ACYP2: variants seen among roughly 807,000 people sequenced by gnomAD.
ACYP2 encodes acylphosphatase 2.
In ACYP2, 12 loss-of-function variants were observed where a neutral mutation model predicts 11.2. The ratio of observed to expected loss-of-function variants is 1.08; its 90% CI spans 0.69 to 1.74. ACYP2 has a LOEUF of 1.74. Among genes scored for constraint, ACYP2 ranks in the 40% most tolerant of loss-of-function variants. The probability of loss-of-function intolerance (pLI) is 0.00; values close to 1 mark genes in which losing one functional copy is unlikely to be tolerated. For missense variants in ACYP2, 134 were observed against 101.9 expected, an observed-to-expected ratio of 1.31 and a Z score of -1.35; for synonymous variants, 43 against 32.2, an observed-to-expected ratio of 1.33 and a Z score of -1.13.
At chr2:53,979,164 C>T (rs931406130) in intron 2 of ACYP2, among the ~76,000 whole-genome samples, 2 of 151,956 alleles carry the variant, frequency 1.3e-5, no homozygotes, top group Non-Finnish European at 2.9e-5. Context: ...CGTGTTATTG[C>T]CCTTGAAGAC....
chr2:54,225,227 T>A (rs371119820), intron 6 of ACYP2, among the ~76,000 whole-genome samples: 2 of 152,286 alleles, frequency 1.3e-5, no homozygotes, highest in South Asian at 4.1e-4. Context: ...CGGCTGTGTG[T>A]CTCTAGCAGG....
chr2:54,066,974 A>G (rs1182518864), intron 4 of ACYP2, among the ~76,000 whole-genome samples: 1 of 152,218 alleles, frequency 6.6e-6, no homozygotes, highest in Non-Finnish European at 1.5e-5. Flanking sequence ...TGAGATTTGA[A>G]TCTGAATTTT....
At chr2:54,224,490 A>G (rs1685926482) in intron 6 of ACYP2, among the ~76,000 whole-genome samples, 1 of 152,220 alleles carries the variant, frequency 6.6e-6, no homozygotes, top group Admixed American at 6.5e-5. Context: ...TGTGTATGCA[A>G]AAAAGGTTAA....
chr2:54,012,476 A>G (rs1673426936), intron 2 of ACYP2, among the ~76,000 whole-genome samples: 1 of 152,228 alleles, frequency 6.6e-6, no homozygotes, highest in Non-Finnish European at 1.5e-5. Context: ...TGACTGTGCC[A>G]CTGCACTCTA....
chr2:54,140,061 C>T (rs768877999), intron 6 of ACYP2, among the ~76,000 whole-genome samples: 2 of 152,052 alleles, frequency 1.3e-5, no homozygotes, highest in Non-Finnish European at 2.9e-5. Context: ...TAAAACTACA[C>T]CTCAAATTGA....
chr2:54,185,203 G>A (rs776911625), intron 6 of ACYP2, among the ~76,000 whole-genome samples: 3 of 152,274 alleles, frequency 2.0e-5, no homozygotes, highest in Middle Eastern at 3.4e-3. Context: ...ATTGATAAGA[G>A]AATGGGCAGG....
intron 2 of ACYP2, among the ~76,000 whole-genome samples, chr2:53,977,747 A>C (rs570178283): frequency 1.5e-3 from 234 of 151,718 alleles, no homozygotes; most frequent in African/African-American, 5.4e-3. Context: ...AAAAAAAAAA[A>C]AAAAGCCCAA....
At chr2:54,303,388 A>C (rs1689801865) in intron 6 of ACYP2, among the ~76,000 whole-genome samples, 2 of 150,018 alleles carry the variant, frequency 1.3e-5, no homozygotes, top group African/African-American at 4.8e-5. Flanking sequence ...GTTAGTGCTT[A>C]ATAAATTTTA....
intron 4 of ACYP2, among the ~76,000 whole-genome samples, chr2:54,087,024 A>G (rs1209737366): frequency 6.6e-6 from 1 of 152,238 alleles, no homozygotes; most frequent in Non-Finnish European, 1.5e-5. Context: ...ATTATAGATT[A>G]ACGTTTTCTA....
chr2:54,021,893 C>G (rs901020460), intron 2 of ACYP2, among the ~76,000 whole-genome samples: 1 of 152,154 alleles, frequency 6.6e-6, no homozygotes, highest in African/African-American at 2.4e-5. Context: ...TGAGAACAGA[C>G]TGTTCTGTGA....
At chr2:54,175,479 A>C (rs192074967) in intron 6 of ACYP2, among the ~76,000 whole-genome samples, 15 of 151,876 alleles carry the variant, frequency 9.9e-5, no homozygotes, top group Admixed American at 5.2e-4. Context: ...TTCAAAAAAC[A>C]AGCTCCTGGA....
intron 6 of ACYP2, among the ~76,000 whole-genome samples, chr2:54,289,516 T>A (rs1472152107): frequency 6.6e-6 from 1 of 152,056 alleles, no homozygotes; most frequent in African/African-American, 2.4e-5. Flanking sequence ...CTTCCTCACC[T>A]TCTATTTTGT....
rs56817782 is a variant in ACYP2, at chr2:54,038,673, CTATATATATATATATATATA to C, written c.63-12264_63-12245del. 5.0e-4 allele frequency among the ~76,000 whole-genome samples: 53 copies of C among 106,106 alleles called. 1 individual carries two copies. Among genetic ancestry groups the C allele is most frequent in the African/African-American group, 1.7e-3 (46 of 26,836 alleles). 69.6% of individuals were successfully genotyped at this position (106,106 alleles called of 152,430 possible). A position where few individuals can be genotyped will look rare whatever the true frequency, so the allele number is the denominator to read the frequency against. On this transcript the variant is annotated intron_variant, in intron 2 of 6. Coordinates refer to ENST00000607452, the MANE Select transcript of ACYP2 (RefSeq NM_001320586.2). ...TCATTCAATAAATCTTTATTGAATA[CTATATATATATATATATATA>C]TATATATATATATATATATACTCTT...
chr2:54,046,534 C>T lies in ACYP2; in HGVS notation c.63-4424C>T, dbSNP rs536898677. Among the ~76,000 whole-genome samples, 10 of 151,466 alleles carry T rather than the reference C, an allele frequency of 6.6e-5. No homozygotes were observed. The East Asian group carries it at 1.7e-3, about 26-fold the overall frequency. On this transcript the variant is annotated intron_variant, in intron 2 of 6. Coordinates refer to ENST00000607452, the MANE Select transcript of ACYP2 (RefSeq NM_001320586.2). ...TTGAGAAATACATGTTGTTTGTCTC[C>T]AGGCTGAATCTGTATCTCTCATGGA... is the stretch of plus-strand genomic sequence containing the variant.
At chr2:54,092,110 G>C (rs568069953) in intron 4 of ACYP2, among the ~76,000 whole-genome samples, 1 of 152,302 alleles carries the variant, frequency 6.6e-6, no homozygotes, top group South Asian at 2.1e-4. Context: ...GTTTCCAGCA[G>C]AGGTACTGGA....
chr2:54,043,775 T>G (rs1675367844), intron 2 of ACYP2, among the ~76,000 whole-genome samples: 1 of 152,082 alleles, frequency 6.6e-6, no homozygotes, highest in South Asian at 2.1e-4. Context: ...TATCTATAAC[T>G]GCATCTAACC....
At chr2:53,976,036 ATT>A (rs1671466481) in intron 2 of ACYP2, among the ~76,000 whole-genome samples, 1 of 152,126 alleles carries the variant, frequency 6.6e-6, no homozygotes, top group South Asian at 2.1e-4. Context: ...TCAATCAAAT[ATT>A]TATGTCTTTG....
chr2:54,074,255 G>A (rs978965551), intron 4 of ACYP2, among the ~76,000 whole-genome samples: 1 of 152,128 alleles, frequency 6.6e-6, no homozygotes, highest in Non-Finnish European at 1.5e-5. Context: ...TGAGGCAGAA[G>A]GATCACTTGA....
chr2:54,201,636 C>CTTTCTCTCTTTCTTTCTT (rs59874821), intron 6 of ACYP2, among the ~76,000 whole-genome samples: 1 of 93,662 alleles, frequency 1.1e-5, no homozygotes, highest in Non-Finnish European at 2.1e-5. Context: ...TTCTTTCTTT[C>CTTTCTCTCTTTCTTTCTT]TCTTTCTTTC....
Sources: allele counts gnomAD v4.1 joint callset (sites outside exome capture counted in the v4.1 genomes callset), GRCh38; gene constraint gnomAD v4.1.1; transcripts MANE v1.5; gene names NCBI Gene and HGNC (gene_info 2026-07-23, HGNC 2026-07-21).